Variants in AUTS2 observed in about 807,000 individuals in gnomAD.
AUTS2 encodes the protein autism susceptibility gene 2 protein.
In AUTS2, 17 loss-of-function variants were observed where a neutral mutation model predicts 112.4. That is an observed-to-expected ratio of 0.15 (90% CI 0.10 to 0.23). The LOEUF is 0.23. Among genes scored for constraint, AUTS2 ranks in the 10% least tolerant of loss-of-function variants. The probability of loss-of-function intolerance (pLI) is 1.00; values close to 1 mark genes in which losing one functional copy is unlikely to be tolerated. For missense variants in AUTS2, 1,510 were observed against 1,701.6 expected (o/e 0.89, Z 1.98); for synonymous variants, 751 against 702.7 (o/e 1.07, Z -1.09).
chr7:69,827,671 A>T (rs1315072171), intron 1 of AUTS2, among the ~76,000 whole-genome samples: 2 of 152,198 alleles, frequency 1.3e-5, no homozygotes, highest in African/African-American at 4.8e-5. Context: ...AATTGTGGTT[A>T]AGATAAACAA....
At chr7:70,274,771 G>A (rs1448122626) in intron 4 of AUTS2, among the ~76,000 whole-genome samples, 1 of 152,124 alleles carries the variant, frequency 6.6e-6, no homozygotes, top group Non-Finnish European at 1.5e-5. Context: ...ATGCCATGGA[G>A]GCCTGAAAAG....
At chr7:70,090,186 T>C (rs1803838686) in intron 2 of AUTS2, among the ~76,000 whole-genome samples, 1 of 151,890 alleles carries the variant, frequency 6.6e-6, no homozygotes, top group African/African-American at 2.4e-5. Flanking sequence ...CTTCAACTTA[T>C]ACCTTCAAGT....
intron 4 of AUTS2, chr7:70,290,501 G>C (rs1254008621): frequency 1.9e-6 from 3 of 1,541,324 alleles, no homozygotes; most frequent in Non-Finnish European, 2.6e-6. Context: ...TTGCTTAAAG[G>C]ATTCTAGTTC....
chr7:70,226,817 C>T (rs959061240), intron 4 of AUTS2, among the ~76,000 whole-genome samples: 7 of 152,068 alleles, frequency 4.6e-5, no homozygotes, highest in African/African-American at 1.7e-4. Flanking sequence ...AAGAGTGTTG[C>T]ATAGTGCTGT....
intron 4 of AUTS2, among the ~76,000 whole-genome samples, chr7:70,229,228 A>G (rs957138807): frequency 6.6e-6 from 1 of 152,032 alleles, no homozygotes; most frequent in Admixed American, 6.6e-5. Context: ...TTTAATCCTA[A>G]TGAACTTTAT....
chr7:70,684,371 G>A (rs1319911063), intron 5 of AUTS2, among the ~76,000 whole-genome samples: 5 of 152,138 alleles, frequency 3.3e-5, no homozygotes, highest in Admixed American at 6.5e-5. Flanking sequence ...GAATAGTCAC[G>A]TGACTTATAG....
chr7:69,645,179 T>C (rs1794972708), intron 1 of AUTS2, among the ~76,000 whole-genome samples: 1 of 151,802 alleles, frequency 6.6e-6, no homozygotes, highest in Admixed American at 6.6e-5. Flanking sequence ...CCAAAAATAC[T>C]GAGATTACAG....
chr7:69,786,701 G>T lies in AUTS2; in HGVS notation c.310-112585G>T, dbSNP rs537815429. Reference sequence around the variant, plus strand: ...ACTCTGAACACAAGGTGATCCACCCGCCTCGGCCTCCCAAAGTGCTGGGAT... The same window carrying T: ...ACTCTGAACACAAGGTGATCCACCCTCCTCGGCCTCCCAAAGTGCTGGGAT... On this transcript the variant is annotated intron_variant, in intron 1 of 18. Coordinates refer to ENST00000342771, the MANE Select transcript of AUTS2 (RefSeq NM_015570.4). Among the ~76,000 whole-genome samples the T allele has an allele frequency of 7.8e-4, 119 of 152,232 alleles. 3 individuals carry two copies. In the South Asian group the frequency reaches 0.023, roughly 29 times the overall value.
intron 5 of AUTS2, among the ~76,000 whole-genome samples, chr7:70,634,667 A>G (rs1805444332): frequency 6.6e-6 from 1 of 152,172 alleles, no homozygotes; most frequent in South Asian, 2.1e-4. Context: ...GGCTAGGAAT[A>G]AGACCATGTG....
At chr7:70,726,178 G>A (rs1289874676) in intron 6 of AUTS2, among the ~76,000 whole-genome samples, 1 of 152,000 alleles carries the variant, frequency 6.6e-6, no homozygotes, top group Non-Finnish European at 1.5e-5. Context: ...AAAGATGATA[G>A]AAGATATTTG....
chr7:70,016,948 G>A (rs1397632165), intron 2 of AUTS2, among the ~76,000 whole-genome samples: 2 of 152,186 alleles, frequency 1.3e-5, no homozygotes, highest in Admixed American at 6.5e-5. Context: ...GATTACAGGC[G>A]TGAGCCACTG....
At chr7:69,882,635 C>T (rs915185766) in intron 1 of AUTS2, among the ~76,000 whole-genome samples, 1 of 152,094 alleles carries the variant, frequency 6.6e-6, no homozygotes, top group Non-Finnish European at 1.5e-5. Flanking sequence ...CTAATACATC[C>T]TAGGCATTAC....
chr7:69,928,109 G>A (rs1286224155), intron 2 of AUTS2, among the ~76,000 whole-genome samples: 1 of 152,182 alleles, frequency 6.6e-6, no homozygotes, highest in African/African-American at 2.4e-5. Context: ...AGCTCTCAGT[G>A]GAGACCTGAA....
chr7:70,595,958 C>T (rs1052614198), intron 5 of AUTS2: 6 of 152,226 alleles, frequency 3.9e-5, no homozygotes, highest in African/African-American at 1.4e-4. Context: ...AAGCTGCGCG[C>T]GCTCTGCCTG....
At chr7:69,840,864 G>A (rs560855821) in intron 1 of AUTS2, among the ~76,000 whole-genome samples, 1 of 152,282 alleles carries the variant, frequency 6.6e-6, no homozygotes, top group Admixed American at 6.5e-5. Context: ...AAATATAGAA[G>A]GATACAGAAT....
intron 1 of AUTS2, among the ~76,000 whole-genome samples, chr7:69,665,196 G>C (rs1277377277): frequency 2.0e-5 from 3 of 152,166 alleles, no homozygotes; most frequent in Non-Finnish European, 4.4e-5. Flanking sequence ...GTTAAAAGAT[G>C]GGGATGTCTT....
intron 1 of AUTS2, among the ~76,000 whole-genome samples, chr7:69,757,641 C>T (rs955638166): frequency 6.6e-6 from 1 of 152,062 alleles, no homozygotes; most frequent in Non-Finnish European, 1.5e-5. Context: ...TTAAACATTC[C>T]ATTATTCAGA....
intron 4 of AUTS2, among the ~76,000 whole-genome samples, chr7:70,383,283 A>G (rs1793455504): frequency 6.6e-6 from 1 of 152,172 alleles, no homozygotes. Flanking sequence ...GGTCCTTGAC[A>G]GGGACTGTTT....
At chr7:69,844,048 G>A (rs929154874) in intron 1 of AUTS2, among the ~76,000 whole-genome samples, 8 of 152,040 alleles carry the variant, frequency 5.3e-5, no homozygotes, top group South Asian at 2.1e-4. Flanking sequence ...GCCAATCCTC[G>A]TTACTCTGCT....
Sources: gnomAD v4.1 joint callset for allele counts (sites outside exome capture counted in the v4.1 genomes callset) on GRCh38, gnomAD v4.1.1 for gene constraint, MANE v1.5 for transcripts, NCBI Gene and HGNC (gene_info 2026-07-23, HGNC 2026-07-21) for gene names.